MBD5: variants seen among roughly 807,000 people sequenced by gnomAD.
MBD5 encodes methyl-CpG-binding domain protein 5.
Under a neutral mutation model 117.3 loss-of-function variants are expected in MBD5, and 13 were observed. That is an observed-to-expected ratio of 0.11 (90% CI 0.07 to 0.18). The LOEUF (loss-of-function observed/expected upper bound fraction) is 0.18. Ranked by LOEUF, MBD5 falls within the 10% of genes least tolerant of loss-of-function variation. The pLI is 1.00. For synonymous variants in MBD5, 727 were observed against 766.4 expected, an observed-to-expected ratio of 0.95 and a Z score of 0.85; for missense variants, 1,879 against 2,093.8, an observed-to-expected ratio of 0.90 and a Z score of 2.00.
chr2:148,473,595 A>G (rs1381030334), intron 8 of MBD5, among the ~76,000 whole-genome samples: 2 of 152,162 alleles, frequency 1.3e-5, no homozygotes, highest in African/African-American at 4.8e-5. Context: ...GCTTAGTTCC[A>G]TTGGTAATCT....
chr2:148,311,941 GA>G (rs1439527312), intron 3 of MBD5, among the ~76,000 whole-genome samples: 8 of 152,156 alleles, frequency 5.3e-5, no homozygotes, highest in Non-Finnish European at 8.8e-5. Context: ...ATTTTGGGTT[GA>G]AAATTCTTTT....
chr2:148,139,220 T>A (rs531709622), intron 1 of MBD5, among the ~76,000 whole-genome samples: 87 of 152,268 alleles, frequency 5.7e-4, no homozygotes, highest in African/African-American at 2.0e-3. Context: ...TAACCTTTTT[T>A]TTTGAAACAG....
intron 3 of MBD5, among the ~76,000 whole-genome samples, chr2:148,318,838 C>T (rs571903875): frequency 3.0e-4 from 45 of 152,228 alleles, no homozygotes; most frequent in Non-Finnish European, 5.4e-4. Flanking sequence ...GCCTCAGCCA[C>T]CCTAGTAGCT....
At chr2:148,333,542 C>A (rs1702713850) in intron 3 of MBD5, among the ~76,000 whole-genome samples, 1 of 151,972 alleles carries the variant, frequency 6.6e-6, no homozygotes, top group Non-Finnish European at 1.5e-5. Flanking sequence ...GAGTACCCTT[C>A]AAAATTCCCC....
chr2:148,145,999 GATTGGTACC>G (rs921977729), intron 1 of MBD5, among the ~76,000 whole-genome samples: 4 of 152,056 alleles, frequency 2.6e-5, no homozygotes, highest in African/African-American at 9.7e-5. Context: ...TTTTTCTATT[GATTGGTACC>G]ATTCCTTCTA....
intron 4 of MBD5, among the ~76,000 whole-genome samples, chr2:148,397,773 G>A (rs1162783822): frequency 6.6e-6 from 1 of 151,804 alleles, no homozygotes; most frequent in Admixed American, 6.6e-5. Context: ...TTTAGCATTA[G>A]GTATATCTCC....
At chr2:148,224,001 T>C (rs541986156) in intron 2 of MBD5, among the ~76,000 whole-genome samples, 2 of 152,256 alleles carry the variant, frequency 1.3e-5, no homozygotes, top group Non-Finnish European at 2.9e-5. Flanking sequence ...CAGGAGCATA[T>C]TGTTTAATTT....
intron 3 of MBD5, 132 bp downstream of exon 3, chr2:148,233,527 C>G (rs2106152638): frequency 6.6e-6 from 1 of 152,100 alleles, no homozygotes; most frequent in East Asian, 1.9e-4. Context: ...ATGTCTTTTT[C>G]TTTATTTTCT....
intron 8 of MBD5, chr2:148,470,695 A>T: frequency 5.8e-6 from 3 of 521,266 alleles, no homozygotes; most frequent in Non-Finnish European, 1.0e-5. Context: ...AATCTGTGTC[A>T]TTTTGAATAT....
chr2:148,476,109 A>G (rs564938074), intron 8 of MBD5, among the ~76,000 whole-genome samples: 1 of 152,282 alleles, frequency 6.6e-6, no homozygotes, highest in South Asian at 2.1e-4. Context: ...TCCAAGACCC[A>G]TGGGCACAGG....
chr2:148,274,836 C>G (rs988918799), intron 3 of MBD5, among the ~76,000 whole-genome samples: 1 of 151,848 alleles, frequency 6.6e-6, no homozygotes, highest in Non-Finnish European at 1.5e-5. Context: ...AATTCTCCTG[C>G]CTCAGCCTCT....
intron 1 of MBD5, among the ~76,000 whole-genome samples, chr2:148,047,879 A>G (rs188453225): frequency 1.3e-5 from 2 of 152,338 alleles, no homozygotes; most frequent in Non-Finnish European, 1.5e-5. Context: ...CAAAGACACG[A>G]GTTACAAAAG....
chr2:148,218,961 TA>T (rs1209752033), intron 2 of MBD5, among the ~76,000 whole-genome samples: 1 of 152,232 alleles, frequency 6.6e-6, no homozygotes, highest in Non-Finnish European at 1.5e-5. Flanking sequence ...AAATTTATTT[TA>T]AAAGTTTTTT....
At chr2:148,258,566 C>T (rs1700649482) in intron 3 of MBD5, among the ~76,000 whole-genome samples, 1 of 152,152 alleles carries the variant, frequency 6.6e-6, no homozygotes, top group Admixed American at 6.5e-5. Context: ...GAAACAGAAA[C>T]AGCTCTACAT....
At chr2:148,437,073 C>T (rs1246479774) in intron 4 of MBD5, among the ~76,000 whole-genome samples, 1 of 152,130 alleles carries the variant, frequency 6.6e-6, no homozygotes, top group Non-Finnish European at 1.5e-5. Flanking sequence ...ACCTCCACCT[C>T]CCTGGCTCAA....
chr2:148,240,328 A>G (rs1014011251), intron 3 of MBD5, among the ~76,000 whole-genome samples: 3 of 152,090 alleles, frequency 2.0e-5, no homozygotes, highest in Non-Finnish European at 4.4e-5. Flanking sequence ...ATGATGAGTT[A>G]ATGGGTGCAG....
intron 1 of MBD5, among the ~76,000 whole-genome samples, chr2:148,094,786 C>T (rs1359061129): frequency 2.0e-5 from 3 of 151,982 alleles, no homozygotes; most frequent in Non-Finnish European, 4.4e-5. Context: ...AGAAAAATAA[C>T]TCATGGAATG....
intron 1 of MBD5, among the ~76,000 whole-genome samples, chr2:148,147,810 T>C (rs1163143561): frequency 6.6e-6 from 1 of 152,158 alleles, no homozygotes; most frequent in Non-Finnish European, 1.5e-5. Flanking sequence ...ATGACCTCAA[T>C]GCTCCAGCAG....
At chr2:148,163,355 T>C (rs1349729802) in intron 1 of MBD5, among the ~76,000 whole-genome samples, 1 of 152,212 alleles carries the variant, frequency 6.6e-6, no homozygotes, top group Non-Finnish European at 1.5e-5. Flanking sequence ...TCTCTTAGCT[T>C]TGATTTCCAT....
Sources: gnomAD v4.1 joint callset for allele counts (sites outside exome capture counted in the v4.1 genomes callset) on GRCh38, gnomAD v4.1.1 for gene constraint, MANE v1.5 for transcripts, NCBI Gene and HGNC (gene_info 2026-07-23, HGNC 2026-07-21) for gene names.